CSMD3: variants seen among roughly 807,000 people sequenced by gnomAD.
CSMD3 encodes CUB and sushi domain-containing protein 3.
Under a neutral mutation model 435.2 loss-of-function variants are expected in CSMD3, and 177 were observed. The observed-to-expected ratio is 0.41, with a 90% CI of 0.36 to 0.46. CSMD3 has a LOEUF of 0.46. CSMD3 is among the 20% of genes least tolerant of loss of function. CSMD3 has a pLI of 0.34. For synonymous variants in CSMD3, 1,656 were observed against 1,520.5 expected, an observed-to-expected ratio of 1.09 and a Z score of -2.07; for missense variants, 4,265 against 4,504.6, an observed-to-expected ratio of 0.95 and a Z score of 1.52.
chr8:112,694,596 T>C (rs750455182), intron 13 of CSMD3, among the ~76,000 whole-genome samples: 8 of 152,132 alleles, frequency 5.3e-5, no homozygotes, highest in Non-Finnish European at 1.2e-4. Context: ...CTCTCTAACA[T>C]AGACTGGAAA....
intron 22 of CSMD3, among the ~76,000 whole-genome samples, chr8:112,604,089 T>A (rs947984331): frequency 2.6e-5 from 4 of 152,172 alleles, no homozygotes; most frequent in African/African-American, 9.6e-5. Flanking sequence ...TGTTTAACAT[T>A]TTTCAAACTG....
At chr8:113,374,039 TTCTC>T (rs1330817274) in intron 1 of CSMD3, among the ~76,000 whole-genome samples, 2 of 151,708 alleles carry the variant, frequency 1.3e-5, no homozygotes, top group Non-Finnish European at 2.9e-5. Flanking sequence ...ATCTCCAAAT[TTCTC>T]TCTCTCTCTC....
intron 10 of CSMD3, among the ~76,000 whole-genome samples, chr8:112,876,965 T>C (rs976109405): frequency 3.3e-5 from 5 of 151,876 alleles, no homozygotes; most frequent in Admixed American, 2.0e-4. Context: ...ATACCAACAA[T>C]AGACAAACAG....
chr8:113,142,388 A>G (rs2091569720), intron 4 of CSMD3, among the ~76,000 whole-genome samples: 1 of 151,288 alleles, frequency 6.6e-6, no homozygotes, highest in Admixed American at 6.6e-5. Flanking sequence ...AGCTATAGTA[A>G]TCACAATTGT....
At chr8:113,117,668 A>G (rs1045048404) in intron 4 of CSMD3, among the ~76,000 whole-genome samples, 1 of 152,182 alleles carries the variant, frequency 6.6e-6, no homozygotes, top group Non-Finnish European at 1.5e-5. Context: ...CCAGCCTGTA[A>G]AGGCAGCCAG....
chr8:113,400,051 G>T (rs2094503164), intron 1 of CSMD3, among the ~76,000 whole-genome samples: 1 of 151,646 alleles, frequency 6.6e-6, no homozygotes, highest in African/African-American at 2.4e-5. Flanking sequence ...TCTTAGCTTT[G>T]TTTAAAATTT....
intron 12 of CSMD3, among the ~76,000 whole-genome samples, chr8:112,828,464 C>T (rs577142824): frequency 1.3e-5 from 2 of 152,196 alleles, no homozygotes; most frequent in South Asian, 4.1e-4. Context: ...TTTGCTCTCT[C>T]TCTCTCTTTC....
At chr8:112,689,041 G>A (rs1488766093) in intron 14 of CSMD3, among the ~76,000 whole-genome samples, 3 of 152,098 alleles carry the variant, frequency 2.0e-5, no homozygotes, top group East Asian at 1.9e-4. Flanking sequence ...TTGGTAAATC[G>A]AATCAGATCC....
At chr8:112,520,690 A>C in intron 27 of CSMD3, among the ~76,000 whole-genome samples, 1 of 152,188 alleles carries the variant, frequency 6.6e-6, no homozygotes, top group East Asian at 1.9e-4. Context: ...TAAAAATAAT[A>C]GAAATAAAAT....
At chr8:112,536,549 G>C (rs1162424246) in intron 27 of CSMD3, among the ~76,000 whole-genome samples, 1 of 152,114 alleles carries the variant, frequency 6.6e-6, no homozygotes, top group Non-Finnish European at 1.5e-5. Flanking sequence ...GGAGAAATAG[G>C]AACACTTTTA....
At chr8:112,666,137 G>T (rs1586924667) in intron 17 of CSMD3, 140 bp downstream of exon 17, 1 of 719,546 alleles carries the variant, frequency 1.4e-6, no homozygotes, top group Non-Finnish European at 2.4e-6. Context: ...TTAAAAGGGG[G>T]CAAACAGATG....
intron 38 of CSMD3, among the ~76,000 whole-genome samples, chr8:112,376,841 C>T (rs1004748943): frequency 4.6e-5 from 7 of 152,040 alleles, no homozygotes; most frequent in African/African-American, 1.7e-4. Context: ...GTTAAAGACA[C>T]AAAAACACTC....
chr8:112,976,000 T>C lies in CSMD3; in HGVS notation c.1179A>G (p.Glu393=), dbSNP rs2084833358. ...TGAGACTCGTAACTTGCACTCGCTG[T>C]TCCTCGGAAAGTCTATGGATGGTGA... ...TAVTIHRLSE[E]QRVQVTSLRN... The change falls in exon 7 of 71, where the codon GAA becomes GAG. Residue 393 remains glutamate, a synonymous_variant. Coordinates refer to ENST00000297405, the MANE Select transcript of CSMD3 (RefSeq NM_198123.2). 5.0e-6 allele frequency: 8 copies of C among 1,613,896 alleles called. No individual in the cohort carries two copies. Among genetic ancestry groups the C allele is most frequent in the African/African-American group, 1.3e-5 (1 of 74,910 alleles).
chr8:112,315,130 T>A (rs896348296), intron 47 of CSMD3, among the ~76,000 whole-genome samples: 2 of 151,956 alleles, frequency 1.3e-5, no homozygotes, highest in Non-Finnish European at 2.9e-5. Flanking sequence ...ACCATGAGGA[T>A]TTAACACAGT....
Position 112,351,227 on chromosome 8 carries a change from T to C in CSMD3, c.6273A>G (p.Thr2091=), listed in dbSNP as rs147756726. The C allele has an allele frequency of 1.2e-6, 2 of 1,609,486 alleles. No individual in the cohort carries two copies. The highest frequency in any genetic ancestry group is 1.7e-6 in the Non-Finnish European group (2 of 1,176,186). ...GYSLQGHSHI[T]CMPGPVRRWN... is the part of the protein sequence containing the mutation. ...ATCTTCTTACAGGTCCTGGCATACA[T>C]GTAATGTGAGAGTGACCCTACATAA... is the stretch of plus-strand genomic sequence containing the variant. The change falls in exon 40 of 71, where the codon ACA becomes ACG. Residue 2091 remains threonine (T), a synonymous_variant. Transcript: ENST00000297405.
At chr8:112,727,646 A>G (rs2076993934) in intron 13 of CSMD3, among the ~76,000 whole-genome samples, 1 of 151,824 alleles carries the variant, frequency 6.6e-6, no homozygotes, top group South Asian at 2.1e-4. Context: ...TCAAAACTTA[A>G]TATTTCCATT....
In CSMD3 at chr8:113,367,701, T is replaced by TCAGG. The variant is rs577937596; in HGVS notation, c.179-52912_179-52909dup. 3.0e-3 allele frequency among the ~76,000 whole-genome samples: 463 copies of TCAGG among 152,200 alleles called. 2 individuals are homozygous for TCAGG. Among genetic ancestry groups the TCAGG allele is most frequent in the African/African-American group, 9.4e-3 (391 of 41,550 alleles). ...TCTCAAACAAGCCAAGCTCTTCCAT[T>TCAGG]CAGGGCCTTTGCACTTGTTATTTTC... On this transcript the variant is annotated intron_variant, in intron 1 of 70. Coordinates refer to ENST00000297405, the MANE Select transcript of CSMD3 (RefSeq NM_198123.2).
At chr8:112,505,849 C>A (rs1822445280) in intron 29 of CSMD3, among the ~76,000 whole-genome samples, 1 of 152,038 alleles carries the variant, frequency 6.6e-6, no homozygotes, top group Admixed American at 6.6e-5. Context: ...AATCAGTGGT[C>A]TACCTAAGGT....
intron 1 of CSMD3, among the ~76,000 whole-genome samples, chr8:113,344,735 A>C (rs778483621): frequency 1.3e-5 from 2 of 152,186 alleles, no homozygotes; most frequent in Non-Finnish European, 2.9e-5. Flanking sequence ...TAAATCCATA[A>C]GTGAGCCACT....
Sources: allele counts gnomAD v4.1 joint callset (sites outside exome capture counted in the v4.1 genomes callset), GRCh38; gene constraint gnomAD v4.1.1; transcripts MANE v1.5; gene names NCBI Gene and HGNC (gene_info 2026-07-23, HGNC 2026-07-21).